Variants in CA4 observed in about 807,000 individuals in gnomAD.
CA4 encodes CA-IV.
A neutral mutation model predicts 34.5 loss-of-function variants in CA4; 24 were observed. The observed-to-expected ratio is 0.70, with a 90% CI of 0.50 to 0.98. The LOEUF is 0.98. Among genes scored for constraint, CA4 ranks in the 50% least tolerant of loss-of-function variants. The pLI is 0.00. For synonymous variants in CA4, 178 were observed against 170.6 expected (o/e 1.04, Z -0.34); for missense variants, 394 against 396.7 (o/e 0.99, Z 0.06).
chr17:60,171,005 G>A (rs2083906611), downstream of CA4: 2 of 152,228 alleles, frequency 1.3e-5, no homozygotes, highest in Non-Finnish European at 2.9e-5. Context: ...TAACCTGATT[G>A]AGCCTCAGCT....
rs1243627151 is a variant in CA4, at chr17:60,155,351, C to T, written c.96C>T (p.Ser32=). Residue 32 remains serine, a synonymous_variant, in exon 2 of 8, where the codon TCC becomes TCT. Transcript: ENST00000300900. Reference sequence around the variant, plus strand: ...GCTACGAGGTTCAAGCCGAGTCCTCCAACTACCCCTGCTTGGGTGAGTACA... The same window carrying T: ...GCTACGAGGTTCAAGCCGAGTCCTCTAACTACCCCTGCTTGGGTGAGTACA... ...HWCYEVQAES[S]NYPCLVPVKW... is the part of the protein sequence containing the mutation. The T allele has an allele frequency of 1.2e-6, 2 of 1,610,728 alleles. No individual in the cohort carries two copies. Among genetic ancestry groups the T allele is most frequent in the African/African-American group, 2.7e-5 (2 of 74,710 alleles).
At chr17:60,168,984 C>T (rs1446066713) in intron 5 of CA4, among the ~76,000 whole-genome samples, 6 of 152,248 alleles carry the variant, frequency 3.9e-5, no homozygotes, top group African/African-American at 1.2e-4. Context: ...CGGTGACTCG[C>T]GCCTGTAATC....
chr17:60,159,083 C>T, intron 7 of CA4, 147 bp from the exon 8 acceptor site: 1 of 731,618 alleles, frequency 1.4e-6, no homozygotes, highest in Non-Finnish European at 2.4e-6. Flanking sequence ...TTCTTATCAT[C>T]TTCACGACCA....
Position 60,156,734 on chromosome 17 carries a change from C to T in CA4, c.268+19C>T. 7 of 1,612,534 alleles carry T rather than the reference C, an allele frequency of 4.3e-6. No individual in the cohort carries two copies. The highest frequency in any genetic ancestry group is 5.9e-6 in the Non-Finnish European group (7 of 1,178,660). ...CACTCAGGTGGGCTGGATGGAGGCC[C>T]CAGGCAGGCCTGGGCACCCGAGTTC... On this transcript the variant is annotated intron_variant, in intron 3 of 7. Coordinates refer to ENST00000300900, the MANE Select transcript of CA4 (RefSeq NM_000717.5).
rs1465573560 is a variant in CA4 at position 60,155,658 on chromosome 17, TCACACAAACCCACACTCACTCACA to T, written c.112+301_112+324del. On this transcript the variant is annotated intron_variant, in intron 2 of 7. Transcript: ENST00000300900. Reference sequence around the variant, plus strand: ...CACACATGCACACACACACTCACACTCACACAAACCCACACTCACTCACACACACAAACACACACTCACACTCTC... The same window carrying T: ...CACACATGCACACACACACTCACACTCACACAAACACACACTCACACTCTC... Among the ~76,000 whole-genome samples the T allele has an allele frequency of 3.4e-5, 5 of 148,894 alleles. No homozygotes were observed. The East Asian group carries it at 7.9e-4, about 24-fold the overall frequency.
chr17:60,176,343 G>A, the CA4 span, among the ~76,000 whole-genome samples: 4 of 152,126 alleles, frequency 2.6e-5, no homozygotes, highest in South Asian at 2.1e-4. Context: ...CTGAGTGTTC[G>A]GTATTTTAAT....
chr17:60,153,909 G>A (rs962382314), intron 1 of CA4, among the ~76,000 whole-genome samples: 2 of 152,192 alleles, frequency 1.3e-5, no homozygotes, highest in African/African-American at 2.4e-5. Flanking sequence ...GGAAGGAGAG[G>A]CAGTGATCAG....
downstream of CA4, among the ~76,000 whole-genome samples, chr17:60,175,036 C>T (rs998065153): frequency 2.0e-5 from 3 of 151,972 alleles, no homozygotes; most frequent in South Asian, 2.1e-4. Flanking sequence ...CCAGTCCTTC[C>T]GAGGCTTTTT....
At chr17:60,162,786 C>T (rs73990659), downstream of CA4, among the ~76,000 whole-genome samples, 341 of 152,250 alleles carry the variant, frequency 2.2e-3, 1 homozygote, top group African/African-American at 7.8e-3. Flanking sequence ...TCCCACAGCA[C>T]GGATAAGGAA....
chr17:60,156,496 G>A, intron 2 of CA4, 64 bp from the exon 3 acceptor site: 6 of 1,535,346 alleles, frequency 3.9e-6, no homozygotes, highest in Non-Finnish European at 5.4e-6. Flanking sequence ...CTTCAGTGGG[G>A]TGGTGGGGGC....
downstream of CA4, among the ~76,000 whole-genome samples, chr17:60,172,800 T>C (rs1197226911): frequency 7.3e-5 from 11 of 150,966 alleles, no homozygotes; most frequent in African/African-American, 2.4e-4. Flanking sequence ...GCCGAGATAG[T>C]GCCACTTCAC....
At chr17:60,159,777 C>T (rs2083764928), downstream of CA4, among the ~76,000 whole-genome samples, 1 of 152,202 alleles carries the variant, frequency 6.6e-6, no homozygotes, top group East Asian at 1.9e-4. Context: ...GGAGCTTCAT[C>T]ACAGCGGAAG....
downstream of CA4, among the ~76,000 whole-genome samples, chr17:60,160,760 A>AT (rs1344521932): frequency 2.7e-5 from 4 of 150,594 alleles, no homozygotes; most frequent in Non-Finnish European, 5.9e-5. Context: ...CAAAAAAAAA[A>AT]AAAAAGAGAG....
At chr17:60,168,985 G>A (rs117730647) in intron 5 of CA4, among the ~76,000 whole-genome samples, 113 of 152,248 alleles carry the variant, frequency 7.4e-4, no homozygotes, top group Admixed American at 3.2e-3. Context: ...GGTGACTCGC[G>A]CCTGTAATCC....
At position 60,150,533 on chromosome 17, in the gene CA4, C is replaced by A. The variant is rs183870064; in HGVS notation, c.58+441C>A. Among the ~76,000 whole-genome samples, 4 of 151,546 alleles carry A rather than the reference C, an allele frequency of 2.6e-5. No homozygotes were observed. The East Asian group carries it at 7.8e-4, about 29-fold the overall frequency. On this transcript the variant is annotated intron_variant, in intron 1 of 7. Transcript: ENST00000300900. ...ACCAAAAATACAAACATTAGCCGGA[C>A]GTGGTGGCACACGCCTGTAATCCCA...
downstream of CA4, among the ~76,000 whole-genome samples, chr17:60,161,968 A>G (rs1480836887): frequency 6.6e-6 from 1 of 151,778 alleles, no homozygotes; most frequent in African/African-American, 2.4e-5. Flanking sequence ...AGGCAACCTT[A>G]GTGAATAATG....
chr17:60,150,933 CG>C (rs1403175228), intron 1 of CA4, among the ~76,000 whole-genome samples: 1 of 125,088 alleles, frequency 8.0e-6, no homozygotes, highest in African/African-American at 3.0e-5. Context: ...CTGGCGGGGG[CG>C]GGGGGTGGGG....
downstream of CA4, among the ~76,000 whole-genome samples, chr17:60,162,032 G>A (rs1282733954): frequency 6.6e-6 from 1 of 151,964 alleles, no homozygotes; most frequent in Non-Finnish European, 1.5e-5. Context: ...GAAGGTGTTC[G>A]ACCCTCCCCA....
At chr17:60,163,768 G>A (rs1002497841), downstream of CA4, among the ~76,000 whole-genome samples, 23 of 152,164 alleles carry the variant, frequency 1.5e-4, no homozygotes, top group African/African-American at 5.3e-4. Flanking sequence ...GACAGGAAGA[G>A]GGCAGCGGAG....
Sources: allele counts gnomAD v4.1 joint callset (sites outside exome capture counted in the v4.1 genomes callset), GRCh38; gene constraint gnomAD v4.1.1; transcripts MANE v1.5; gene names NCBI Gene and HGNC (gene_info 2026-07-23, HGNC 2026-07-21).